Variants in TUSC3 observed in about 807,000 individuals in gnomAD.
TUSC3 encodes dolichyl-diphosphooligosaccharide--protein glycosyltransferase subunit TUSC3.
TUSC3 carries 45 observed loss-of-function variants against 44.8 expected under a neutral mutation model. That is an observed-to-expected ratio of 1.00 (90% CI 0.79 to 1.29). The LOEUF is 1.29. Ranked by LOEUF, TUSC3 falls within the 50% of genes most tolerant of loss-of-function variation. The pLI is 0.00. For synonymous variants in TUSC3, 212 were observed against 152.9 expected (o/e 1.39, Z -2.85); for missense variants, 519 against 437.9 (o/e 1.19, Z -1.65).
intron 3 of TUSC3, among the ~76,000 whole-genome samples, chr8:15,654,087 C>T (rs1807039749): frequency 6.6e-6 from 1 of 152,018 alleles, no homozygotes; most frequent in Non-Finnish European, 1.5e-5. Flanking sequence ...GGGAATTGGG[C>T]ATTTTAATTA....
chr8:15,454,607 C>T (rs947993595), intron 1 of TUSC3, among the ~76,000 whole-genome samples: 2 of 152,308 alleles, frequency 1.3e-5, no homozygotes, highest in South Asian at 2.1e-4. Flanking sequence ...CTAGCTGCTG[C>T]TCATTTTCTA....
At chr8:15,630,469 A>T (rs1269877548) in intron 2 of TUSC3, among the ~76,000 whole-genome samples, 2 of 98,860 alleles carry the variant, frequency 2.0e-5, no homozygotes, top group Non-Finnish European at 5.9e-5. Flanking sequence ...ATATTATGTC[A>T]TGTGATTCTC....
chr8:15,429,543 C>G (rs1358417475), intron 1 of TUSC3, among the ~76,000 whole-genome samples: 1 of 147,318 alleles, frequency 6.8e-6, no homozygotes, highest in Admixed American at 6.7e-5. Context: ...GGCATTGAAT[C>G]TATAAATTAC....
intron 7 of TUSC3, 154 bp from the exon 8 acceptor site, chr8:15,743,384 G>A (rs781336662): frequency 1.2e-5 from 9 of 771,834 alleles, no homozygotes; most frequent in Non-Finnish European, 2.0e-5. Context: ...TGCTCACAAA[G>A]AATGGTAATT....
At chr8:15,825,395 T>G in the TUSC3 span, among the ~76,000 whole-genome samples, 1 of 152,074 alleles carries the variant, frequency 6.6e-6, no homozygotes, top group African/African-American at 2.4e-5. Context: ...GCAGGGGAAC[T>G]CTCCTTTAGA....
At chr8:15,668,442 A>G (rs1807778836) in intron 5 of TUSC3, among the ~76,000 whole-genome samples, 1 of 151,734 alleles carries the variant, frequency 6.6e-6, no homozygotes, top group Non-Finnish European at 1.5e-5. Context: ...TTTGAAAGCT[A>G]CGTGTATCAA....
At chr8:15,511,478 A>T (rs541308396) in intron 2 of TUSC3, among the ~76,000 whole-genome samples, 2 of 152,216 alleles carry the variant, frequency 1.3e-5, no homozygotes, top group Admixed American at 1.3e-4. Flanking sequence ...GTATTTCTCT[A>T]TATTAGCAAT....
At chr8:15,625,182 A>G (rs533063828) in intron 2 of TUSC3, among the ~76,000 whole-genome samples, 45 of 152,306 alleles carry the variant, frequency 3.0e-4, no homozygotes, top group African/African-American at 1.0e-3. Context: ...TCTTGCATAC[A>G]GGAATGGATA....
At chr8:15,541,037 A>G (rs1801671449) in intron 1 of TUSC3, among the ~76,000 whole-genome samples, 1 of 152,014 alleles carries the variant, frequency 6.6e-6, no homozygotes, top group Non-Finnish European at 1.5e-5. Context: ...ATTTTTGTTT[A>G]TGTTGAACTC....
At chr8:15,509,587 G>A (rs898048923) in intron 2 of TUSC3, among the ~76,000 whole-genome samples, 2 of 151,914 alleles carry the variant, frequency 1.3e-5, no homozygotes, top group Non-Finnish European at 2.9e-5. Flanking sequence ...AAACCTGGGA[G>A]ACAGAGTGAG....
At chr8:15,545,299 A>T (rs906339666) in intron 1 of TUSC3, among the ~76,000 whole-genome samples, 7 of 151,692 alleles carry the variant, frequency 4.6e-5, no homozygotes, top group African/African-American at 1.7e-4. Context: ...ATTGAGCAAC[A>T]TGAGGGGGTC....
At chr8:15,540,602 CGGGGGCGGGCCAGGGT>C (rs1442355399) in intron 1 of TUSC3, 34 bp downstream of exon 1, 14 of 1,466,602 alleles carry the variant, frequency 9.5e-6, no homozygotes, top group Non-Finnish European at 1.3e-5. Flanking sequence ...CCCCTGTGGG[CGGGGGCGGGCCAGGGT>C]GGGCCGCGTT....
chr8:15,445,174 G>C (rs1254021794), intron 1 of TUSC3, among the ~76,000 whole-genome samples: 1 of 152,154 alleles, frequency 6.6e-6, no homozygotes, highest in African/African-American at 2.4e-5. Flanking sequence ...GGTCTGGATG[G>C]GATCTCCTTG....
chr8:15,681,912 G>T (rs1808443896), intron 6 of TUSC3, among the ~76,000 whole-genome samples: 1 of 151,810 alleles, frequency 6.6e-6, no homozygotes, highest in South Asian at 2.1e-4. Flanking sequence ...GTCTTAATTT[G>T]CTATTTACCC....
intron 2 of TUSC3, among the ~76,000 whole-genome samples, chr8:15,499,880 A>G (rs1156359158): frequency 2.6e-5 from 4 of 152,140 alleles, no homozygotes; most frequent in Non-Finnish European, 5.9e-5. Flanking sequence ...ACATACATAC[A>G]TACGTACACA....
intron 2 of TUSC3, among the ~76,000 whole-genome samples, chr8:15,509,903 T>C (rs957573670): frequency 6.6e-6 from 1 of 152,156 alleles, no homozygotes; most frequent in African/African-American, 2.4e-5. Context: ...TATCTAATGC[T>C]TACCAGGAGA....
intron 6 of TUSC3, among the ~76,000 whole-genome samples, chr8:15,701,477 G>C (rs991157451): frequency 4.6e-5 from 7 of 152,080 alleles, no homozygotes. Context: ...CCAGAATAGT[G>C]TTTCAGGAAG....
chr8:15,437,886 C>T (rs1023971606), intron 1 of TUSC3, among the ~76,000 whole-genome samples: 1 of 152,168 alleles, frequency 6.6e-6, no homozygotes, highest in Non-Finnish European at 1.5e-5. Flanking sequence ...TGAATGCACC[C>T]TGTTGAGATA....
At chr8:15,688,970 C>G (rs999419188) in intron 6 of TUSC3, 3 of 241,528 alleles carry the variant, frequency 1.2e-5, no homozygotes, top group African/African-American at 2.3e-5. Flanking sequence ...CAGGAGACCT[C>G]TTTGCCCTGC....
Sources: allele counts gnomAD v4.1 joint callset (sites outside exome capture counted in the v4.1 genomes callset), GRCh38; gene constraint gnomAD v4.1.1; transcripts MANE v1.5; gene names NCBI Gene and HGNC (gene_info 2026-07-23, HGNC 2026-07-21).